ECPAS: variants seen among roughly 807,000 people sequenced by gnomAD.
The protein encoded by ECPAS is Ecm29 proteasome adaptor and scaffold, also known as proteasome adapter and scaffold protein ECM29.
Under a neutral mutation model 255.1 loss-of-function variants are expected in ECPAS, and 70 were observed. The observed-to-expected ratio is 0.27, with a 90% CI of 0.23 to 0.33. The LOEUF is 0.33. Ranked by LOEUF, ECPAS falls within the 10% of genes least tolerant of loss-of-function variation. ECPAS has a pLI of 1.00. For missense variants in ECPAS, 1,817 were observed against 2,206.4 expected, an observed-to-expected ratio of 0.82 and a Z score of 3.54; for synonymous variants, 784 against 775.0, an observed-to-expected ratio of 1.01 and a Z score of -0.19.
At chr9:111,378,555 C>T (rs1263047324) in intron 36 of ECPAS, 25 bp downstream of exon 36, 2 of 1,600,512 alleles carry the variant, frequency 1.2e-6, no homozygotes, top group East Asian at 2.2e-5. Context: ...TGATACTTAC[C>T]AATATGCCTG....
intron 35 of ECPAS, 56 bp from the exon 36 acceptor site, chr9:111,378,786 A>C: frequency 6.6e-7 from 1 of 1,508,302 alleles, no homozygotes; most frequent in Non-Finnish European, 9.0e-7. Flanking sequence ...GAGAAGACCT[A>C]CAAATCTAAC....
intron 25 of ECPAS, among the ~76,000 whole-genome samples, chr9:111,395,010 A>T (rs2098165575): frequency 6.6e-6 from 1 of 152,174 alleles, no homozygotes; most frequent in Non-Finnish European, 1.5e-5. Flanking sequence ...GAAATCACGA[A>T]TGACTTTCCT....
intron 35 of ECPAS, among the ~76,000 whole-genome samples, chr9:111,379,484 T>C (rs1284767628): frequency 6.6e-6 from 1 of 152,220 alleles, no homozygotes; most frequent in Non-Finnish European, 1.5e-5. Context: ...TCAATGGTGA[T>C]GCCTACTGAC....
Position 111,370,749 on chromosome 9 carries a change from G to A in ECPAS, c.4754C>T (p.Ala1585Val), listed in dbSNP as rs1180494878. The A allele has an allele frequency of 6.2e-7, 1 of 1,605,206 alleles. No homozygotes were observed. Among genetic ancestry groups the A allele is most frequent in the Admixed American group, 1.7e-5 (1 of 58,710 alleles). The change falls in exon 44 of 50, where the codon GCC (alanine) becomes GTC (valine). Residue 1585 changes from alanine (A) to valine (V), a missense_variant. Physicochemically the swap from Ala to Val is moderately conservative, Grantham distance 64. Coordinates refer to ENST00000684092, the MANE Select transcript of ECPAS (RefSeq NM_001364929.1). ...TWAGKEELLK[A>V]IACVVTACSA... ...GCAAGCTGTCACCACACAGGCAATG[G>A]CTTTCAATAGCTCCTCCTAAGGGGT...
chr9:111,483,421 C>A, intron 1 of ECPAS: 3 of 682,732 alleles, frequency 4.4e-6, no homozygotes, highest in Non-Finnish European at 5.4e-6. Flanking sequence ...GCCTGGCGCC[C>A]CAGCCCTCAT....
At position 111,423,217 on chromosome 9, in the gene ECPAS, G is replaced by T; in HGVS notation, c.1247C>A (p.Ala416Asp). 6.4e-7 allele frequency: 1 copy of T among 1,560,240 alleles called. No homozygotes were observed. Residue 416 changes from alanine to aspartate, a missense_variant, in exon 13 of 50, where the codon GCT (alanine) becomes GAT (aspartate). This residue lies in a region of ECPAS where 573 missense variants were observed against 716.2 expected (regional missense o/e 0.80). Coordinates refer to ENST00000684092, the MANE Select transcript of ECPAS (RefSeq NM_001364929.1). ...DPKLLSMAYS[A>D]VGKLSSRMPH... ...TACTCACCTGGAGAGTTTTCCAACA[G>T]CTGAATATGCCATTGACAGTAGTTT...
chr9:111,445,682 T>C (rs1405493739), intron 3 of ECPAS, among the ~76,000 whole-genome samples: 1 of 152,178 alleles, frequency 6.6e-6, no homozygotes, highest in Non-Finnish European at 1.5e-5. Flanking sequence ...TTTTTGTTTG[T>C]TTGTTTTTAT....
At chr9:111,483,852 A>ACTCCG in intron 1 of ECPAS, 1 of 355,680 alleles carries the variant, frequency 2.8e-6, no homozygotes, top group African/African-American at 2.3e-5. Flanking sequence ...CGGCTCTGCG[A>ACTCCG]CTCCGCGCCG....
In ECPAS at chr9:111,484,335, G is replaced by A. The variant is rs771543894; in HGVS notation, c.-302C>T. On this transcript the variant is annotated 5_prime_UTR_variant, in exon 1 of 50. Transcript: ENST00000684092. ...GAGGTCTGCGGCTGTCACGTTGGCT[G>A]GGCCCGACCTGGGGAAACACGCCTG... 6.2e-7 allele frequency: 1 copy of A among 1,605,150 alleles called. No homozygotes were observed. The highest frequency in any genetic ancestry group is 8.5e-7 in the Non-Finnish European group (1 of 1,176,976).
chr9:111,451,650 A>G (rs2131963841), intron 2 of ECPAS, 95 bp from the exon 3 acceptor site: 3 of 1,190,694 alleles, frequency 2.5e-6, no homozygotes, highest in South Asian at 1.7e-5. Flanking sequence ...CTGTACTGCA[A>G]TCCTTCAGTC....
At chr9:111,377,875 G>A (rs551087737) in intron 36 of ECPAS, among the ~76,000 whole-genome samples, 6 of 152,254 alleles carry the variant, frequency 3.9e-5, no homozygotes. Flanking sequence ...GGCTGGGTGC[G>A]GTGGCTCACG....
chr9:111,373,036 AAAAAG>A (rs901127155), intron 41 of ECPAS, 129 bp downstream of exon 41: 9 of 838,708 alleles, frequency 1.1e-5, no homozygotes, highest in East Asian at 4.9e-5. Flanking sequence ...CATCTCAAAA[AAAAAG>A]AAAAGAAAAG....
At chr9:111,432,694 CCATTCATTTATTTTTCATTGACTT>C (rs1322863916) in intron 8 of ECPAS, among the ~76,000 whole-genome samples, 1 of 152,086 alleles carries the variant, frequency 6.6e-6, no homozygotes, top group Admixed American at 6.6e-5. Flanking sequence ...TACTGGTATC[CCATTCATTTATTTTTCATTGACTT>C]CATTCATTTA....
chr9:111,481,399 G>A (rs779166307), intron 1 of ECPAS, among the ~76,000 whole-genome samples: 1 of 152,126 alleles, frequency 6.6e-6, no homozygotes, highest in Admixed American at 6.5e-5. Context: ...CCAGCTACTC[G>A]GAGGGCTGAG....
Position 111,370,616 on chromosome 9 carries a change from T to C in ECPAS, c.4793A>G (p.Glu1598Gly). ...CVVTACSAEL[E>G]KSVPNQPSTN... ...GCTGGGTTGATTGGGCACAGACTTT[T>C]CCAGCTCTGCACTACAGGGTCCATA... The change falls in exon 45 of 50, where the codon GAA becomes GGA. Residue 1598 changes from glutamate (E) to glycine (G), a missense_variant. Coordinates refer to ENST00000684092, the MANE Select transcript of ECPAS (RefSeq NM_001364929.1). 6.2e-7 allele frequency: 1 copy of C among 1,610,656 alleles called. No homozygotes were observed. The highest frequency in any genetic ancestry group is 8.5e-7 in the Non-Finnish European group (1 of 1,178,292).
At chr9:111,386,906 C>T (rs2098149744) in intron 31 of ECPAS, among the ~76,000 whole-genome samples, 1 of 152,248 alleles carries the variant, frequency 6.6e-6, no homozygotes, top group African/African-American at 2.4e-5. Context: ...AGCTTGGGTA[C>T]TCTCCTCTCT....
chr9:111,384,406 C>T (rs12350482), intron 34 of ECPAS, 116 bp downstream of exon 34: 302,261 of 894,150 alleles, frequency 0.34, 57,737 homozygotes, highest in Non-Finnish European at 0.41. Context: ...TGAACTACAA[C>T]ATGAAGCCAA....
chr9:111,366,268 T>G lies in ECPAS; in HGVS notation c.5279A>C (p.Glu1760Ala). Reference protein sequence around the residue: ...DPEALAEILLETCKSITYSLE... With the variant: ...DPEALAEILLATCKSITYSLE... ...AGAATATGTGATTGATTTACAAGTT[T>G]CAAGCAGAATTTCAGCCAAAGCCTC... The change falls in exon 48 of 50, where the codon GAA becomes GCA. Residue 1760 changes from glutamate to alanine, a missense_variant. Transcript: ENST00000684092. The G allele has an allele frequency of 6.3e-7, 1 of 1,575,946 alleles. No individual in the cohort carries two copies. The highest frequency in any genetic ancestry group is 8.6e-7 in the Non-Finnish European group (1 of 1,159,182).
Position 111,409,080 on chromosome 9 carries a change from G to A in ECPAS, c.2551-408C>T, listed in dbSNP as rs146373728. The stretch of plus-strand genomic sequence containing the variant: ...TCCTCATGTTATCTCACATAGAGAT[G>A]ACAACTGTGCCTATTTCACTAGACC... On this transcript the variant is annotated intron_variant, in intron 23 of 49. Transcript: ENST00000684092. Among the ~76,000 whole-genome samples the A allele has an allele frequency of 2.3e-3, 352 of 152,300 alleles. 2 individuals are homozygous for A. The highest frequency in any genetic ancestry group is 4.6e-3 in the Admixed American group (70 of 15,296).
Sources: allele counts gnomAD v4.1 joint callset (sites outside exome capture counted in the v4.1 genomes callset), GRCh38; gene constraint gnomAD v4.1.1; regional missense constraint gnomAD v4.1.1; transcripts MANE v1.5; gene names NCBI Gene and HGNC (gene_info 2026-07-23, HGNC 2026-07-21).